The following PRIMPOL variants were observed in gnomAD, a reference collection of about 807,000 sequenced individuals.
The protein encoded by PRIMPOL is DNA-directed primase/polymerase protein.
A neutral mutation model predicts 63.6 loss-of-function variants in PRIMPOL; 54 were observed. The observed-to-expected ratio is 0.85, with a 90% CI of 0.68 to 1.07. The LOEUF is 1.07. PRIMPOL is among the 50% of genes least tolerant of loss of function. The pLI is 0.00. For synonymous variants in PRIMPOL, 197 were observed against 220.2 expected (o/e 0.89, Z 0.93); for missense variants, 610 against 648.3 (o/e 0.94, Z 0.64).
intron 6 of PRIMPOL, 63 bp downstream of exon 6, chr4:184,666,127 C>T: frequency 7.5e-7 from 1 of 1,326,286 alleles, no homozygotes; most frequent in Non-Finnish European, 1.0e-6. Flanking sequence ...TCTTATTCCT[C>T]TTAAAATTTT....
At chr4:184,653,934 A>T (rs1246430877) in intron 2 of PRIMPOL, among the ~76,000 whole-genome samples, 3 of 152,218 alleles carry the variant, frequency 2.0e-5, no homozygotes, top group Non-Finnish European at 4.4e-5. Context: ...GACTACACCA[A>T]GCCCCAGTTG....
chr4:184,694,378 A>T (rs6825561), intron 13 of PRIMPOL, 144 bp from the exon 14 acceptor site: 215,629 of 1,412,736 alleles, frequency 0.15, 17,646 homozygotes, highest in African/African-American at 0.27. Context: ...ACGGTGAGAT[A>T]TCGGAGACAG....
chr4:184,663,499 A>G (rs1468280161), intron 5 of PRIMPOL, among the ~76,000 whole-genome samples: 1 of 152,252 alleles, frequency 6.6e-6, no homozygotes, highest in Non-Finnish European at 1.5e-5. Context: ...ACCACATTGC[A>G]TTAGAAACTA....
At chr4:184,670,708 T>C (rs1023252344) in intron 6 of PRIMPOL, among the ~76,000 whole-genome samples, 5 of 151,994 alleles carry the variant, frequency 3.3e-5, no homozygotes, top group Non-Finnish European at 7.4e-5. Flanking sequence ...GCACCACACC[T>C]GGCTAATTTT....
intron 6 of PRIMPOL, among the ~76,000 whole-genome samples, chr4:184,667,729 T>C (rs914232772): frequency 1.3e-4 from 20 of 152,330 alleles, no homozygotes; most frequent in African/African-American, 3.8e-4. Flanking sequence ...CAGTTCCTCA[T>C]TGGCTGAGTA....
chr4:184,694,607 C>CA lies in PRIMPOL; in HGVS notation c.1513dup (p.Thr505AsnfsTer6). 1 of 1,614,164 alleles carries CA rather than the reference C, an allele frequency of 6.2e-7. No individual in the cohort carries two copies. Among genetic ancestry groups the CA allele is most frequent in the Non-Finnish European group, 8.5e-7 (1 of 1,180,002 alleles). On this transcript the variant is annotated frameshift_variant, in exon 14 of 14. Transcript: ENST00000314970. LOFTEE classifies it low-confidence loss of function (END_TRUNC). The stretch of plus-strand genomic sequence containing the variant: ...CATAAACCATCACCTAGCAGGCTGT[C>CA]AACAGGTGCATCTGCTGATGCTGTC...
At chr4:184,668,885 ATAT>A (rs1750803306) in intron 6 of PRIMPOL, among the ~76,000 whole-genome samples, 2 of 150,912 alleles carry the variant, frequency 1.3e-5, no homozygotes, top group African/African-American at 2.4e-5. Context: ...ATTACTAATA[ATAT>A]TATTAATTAC....
chr4:184,677,428 C>T (rs1754389249), intron 7 of PRIMPOL, among the ~76,000 whole-genome samples: 1 of 152,194 alleles, frequency 6.6e-6, no homozygotes, highest in East Asian at 1.9e-4. Flanking sequence ...TGCCATAAAT[C>T]AGTGGCTATA....
chr4:184,685,933 C>T (rs1269514000), intron 11 of PRIMPOL, among the ~76,000 whole-genome samples: 1 of 152,098 alleles, frequency 6.6e-6, no homozygotes, highest in African/African-American at 2.4e-5. Context: ...TCCTAAGTAG[C>T]TGGGATTACA....
chr4:184,692,595 CCTT>C (rs1405803918), intron 13 of PRIMPOL, among the ~76,000 whole-genome samples: 7 of 151,784 alleles, frequency 4.6e-5, no homozygotes, highest in African/African-American at 1.7e-4. Context: ...TTGGCACGTA[CCTT>C]CGAGAATTTA....
intron 5 of PRIMPOL, among the ~76,000 whole-genome samples, chr4:184,665,502 C>CTT (rs780043138): frequency 5.9e-4 from 79 of 133,892 alleles, no homozygotes; most frequent in African/African-American, 1.7e-3. Flanking sequence ...GAATTAATGA[C>CTT]TTTTTTTTTT....
rs577108601 is a variant in PRIMPOL, at chr4:184,683,405, A to G, written c.1096+1069A>G. On this transcript the variant is annotated intron_variant, in intron 9 of 13. Coordinates refer to ENST00000314970, the MANE Select transcript of PRIMPOL (RefSeq NM_152683.4). The stretch of plus-strand genomic sequence containing the variant: ...CCATTGCACTCCAGCATGCGCAACA[A>G]GAGTGAGACTCCATCTCAAAAAAAA... Among the ~76,000 whole-genome samples the G allele has an allele frequency of 1.8e-4, 28 of 151,556 alleles. 1 individual carries two copies. In the South Asian group the frequency reaches 4.4e-3, roughly 24 times the overall value.
At chr4:184,676,123 T>C (rs1182617911) in intron 7 of PRIMPOL, among the ~76,000 whole-genome samples, 2 of 152,058 alleles carry the variant, frequency 1.3e-5, no homozygotes, top group African/African-American at 4.8e-5. Context: ...GTTTAATTTA[T>C]TATTTTTTAG....
At chr4:184,682,226 C>G (rs776170966) in intron 8 of PRIMPOL, 22 bp from the exon 9 acceptor site, 2 of 1,370,238 alleles carry the variant, frequency 1.5e-6, no homozygotes, top group South Asian at 1.2e-5. Flanking sequence ...TGCTTTGTTT[C>G]TTTTACCTAT....
At chr4:184,691,258 G>C in intron 11 of PRIMPOL, 1 of 436,540 alleles carries the variant, frequency 2.3e-6, no homozygotes, top group Non-Finnish European at 4.1e-6. Context: ...AGTACAGGTT[G>C]AGAATTGTTA....
chr4:184,655,438 C>T (rs1443436632), intron 2 of PRIMPOL, among the ~76,000 whole-genome samples: 3 of 150,830 alleles, frequency 2.0e-5, no homozygotes, highest in South Asian at 4.2e-4. Flanking sequence ...TCTCTTGCCT[C>T]AGCCTCCCGA....
intron 7 of PRIMPOL, among the ~76,000 whole-genome samples, chr4:184,673,220 C>T (rs1752334225): frequency 6.6e-6 from 1 of 151,474 alleles, no homozygotes; most frequent in African/African-American, 2.4e-5. Flanking sequence ...AGCTCCGCCT[C>T]CCGGGTTCAC....
At chr4:184,683,953 T>A (rs956365188) in intron 9 of PRIMPOL, among the ~76,000 whole-genome samples, 7 of 152,188 alleles carry the variant, frequency 4.6e-5, no homozygotes, top group Admixed American at 4.6e-4. Flanking sequence ...TCTAAAATTA[T>A]GTGTATGGTA....
intron 6 of PRIMPOL, 130 bp downstream of exon 6, chr4:184,666,194 C>A: frequency 1.5e-6 from 1 of 673,918 alleles, no homozygotes; most frequent in African/African-American, 1.8e-5. Flanking sequence ...GCGATGTAGG[C>A]TGAGTGCAGT....
Sources: gnomAD v4.1 joint callset for allele counts (sites outside exome capture counted in the v4.1 genomes callset) on GRCh38, gnomAD v4.1.1 for gene constraint, MANE v1.5 for transcripts, NCBI Gene and HGNC (gene_info 2026-07-23, HGNC 2026-07-21) for gene names.